DLG2: variants seen among roughly 807,000 people sequenced by gnomAD.
DLG2 encodes the protein discs large MAGUK scaffold protein 2, also known as disks large homolog 2.
A neutral mutation model predicts 132.5 loss-of-function variants in DLG2; 45 were observed. The observed-to-expected ratio is 0.34, with a 90% CI of 0.27 to 0.44. The LOEUF (loss-of-function observed/expected upper bound fraction) is 0.44. Among genes scored for constraint, DLG2 ranks in the 20% least tolerant of loss-of-function variants. DLG2 has a pLI of 1.00. For synonymous variants in DLG2, 424 were observed against 419.6 expected, an observed-to-expected ratio of 1.01 and a Z score of -0.13; for missense variants, 1,045 against 1,196.9, an observed-to-expected ratio of 0.87 and a Z score of 1.87.
rs1181242488 is a variant in DLG2 at position 85,524,696 on chromosome 11, G to A, written c.40+73961C>T. 1.2e-4 allele frequency among the ~76,000 whole-genome samples: 18 copies of A among 152,138 alleles called. No homozygotes were observed. In the East Asian group the frequency reaches 2.7e-3, roughly 23 times the overall value. On this transcript the variant is annotated intron_variant, in intron 3 of 27. Transcript: ENST00000376104. ...TTTTGTAGAGATGAGGTTTCACTACGTTGCCCAGGTGGGTCTCAAGCTCCT... is the reference window on the plus strand; with the variant it reads ...TTTTGTAGAGATGAGGTTTCACTACATTGCCCAGGTGGGTCTCAAGCTCCT...
intron 3 of DLG2, among the ~76,000 whole-genome samples, chr11:85,287,277 A>T (rs2078617362): frequency 6.6e-6 from 1 of 152,098 alleles, no homozygotes; most frequent in African/African-American, 2.4e-5. Context: ...GCACACAGAC[A>T]AAGGAACAGT....
chr11:85,355,897 C>T (rs1432832539), intron 3 of DLG2, among the ~76,000 whole-genome samples: 1 of 152,166 alleles, frequency 6.6e-6, no homozygotes, highest in East Asian at 1.9e-4. Flanking sequence ...ATGAGATTGT[C>T]CTTTTCCAAC....
chr11:85,112,359 C>G (rs898447173), intron 5 of DLG2, among the ~76,000 whole-genome samples: 1 of 152,044 alleles, frequency 6.6e-6, no homozygotes, highest in Non-Finnish European at 1.5e-5. Flanking sequence ...TTAACCTATA[C>G]TTTTGTTGTA....
chr11:85,267,250 A>G (rs750536093), intron 4 of DLG2, among the ~76,000 whole-genome samples: 1 of 152,222 alleles, frequency 6.6e-6, no homozygotes, highest in African/African-American at 2.4e-5. Context: ...ACGGCTATCT[A>G]TAAACCAGAA....
intron 7 of DLG2, among the ~76,000 whole-genome samples, chr11:84,367,436 C>T (rs1455039249): frequency 6.6e-6 from 1 of 152,060 alleles, no homozygotes; most frequent in Non-Finnish European, 1.5e-5. Flanking sequence ...CTGTAGTTGT[C>T]AAGTCCCATT....
intron 6 of DLG2, among the ~76,000 whole-genome samples, chr11:85,034,146 C>T (rs947587372): frequency 1.3e-5 from 2 of 149,590 alleles, no homozygotes; most frequent in East Asian, 2.0e-4. Flanking sequence ...GGCGCAATTT[C>T]GGCTCACTGC....
At chr11:83,646,410 G>A (rs2068200741) in intron 18 of DLG2, among the ~76,000 whole-genome samples, 1 of 151,652 alleles carries the variant, frequency 6.6e-6, no homozygotes, top group Non-Finnish European at 1.5e-5. Flanking sequence ...AAAGAGAAAG[G>A]GAAAGAAGGA....
intron 6 of DLG2, among the ~76,000 whole-genome samples, chr11:84,582,268 G>C (rs1315271408): frequency 6.0e-5 from 9 of 150,406 alleles, no homozygotes; most frequent in Non-Finnish European, 1.0e-4. Flanking sequence ...TGAATTGCAG[G>C]GATCAAAATT....
At chr11:85,429,216 C>G (rs1256382946) in intron 3 of DLG2, among the ~76,000 whole-genome samples, 2 of 152,134 alleles carry the variant, frequency 1.3e-5, no homozygotes, top group African/African-American at 4.8e-5. Flanking sequence ...GGAGCTGGTA[C>G]CATTCCTTCT....
intron 6 of DLG2, among the ~76,000 whole-genome samples, chr11:84,770,812 AT>A (rs529457483): frequency 0.076 from 10,707 of 141,402 alleles, 408 homozygotes; most frequent in Middle Eastern, 0.13. Context: ...CGCCTGGCTA[AT>A]TTTTTTTTTT....
intron 6 of DLG2, among the ~76,000 whole-genome samples, chr11:84,627,043 G>A (rs550566498): frequency 7.0e-4 from 107 of 151,828 alleles, no homozygotes; most frequent in Middle Eastern, 3.4e-3. Flanking sequence ...GCTAATTTTC[G>A]TATTTTTGGT....
In DLG2 at chr11:85,191,199, C is replaced by CACACACAG. The variant is rs879835737; in HGVS notation, c.187-36549_187-36548insCTGTGTGT. On this transcript the variant is annotated intron_variant, in intron 4 of 27. Transcript: ENST00000376104. ...ACACACACACACACACACACACACACACACACGTTTGGATATATTCCCAAT... is the reference window on the plus strand; with the variant it reads ...ACACACACACACACACACACACACACACACACAGACACACGTTTGGATATATTCCCAAT... 1.2e-3 allele frequency among the ~76,000 whole-genome samples: 179 copies of CACACACAG among 151,162 alleles called. 1 individual carries two copies. Among genetic ancestry groups the CACACACAG allele is most frequent in the Non-Finnish European group, 2.1e-3 (140 of 67,838 alleles).
intron 3 of DLG2, among the ~76,000 whole-genome samples, chr11:85,485,302 T>G (rs1597807495): frequency 6.6e-6 from 1 of 152,104 alleles, no homozygotes; most frequent in East Asian, 1.9e-4. Context: ...TGTATACATA[T>G]GTAACTAACC....
chr11:85,500,486 A>G (rs2093773465), intron 3 of DLG2, among the ~76,000 whole-genome samples: 1 of 143,262 alleles, frequency 7.0e-6, no homozygotes. Flanking sequence ...GCACATGTAT[A>G]CATATGTAAC....
chr11:83,553,483 C>CGTGTGT (rs71959561), intron 19 of DLG2, among the ~76,000 whole-genome samples: 4,162 of 143,764 alleles, frequency 0.029, 207 homozygotes, highest in African/African-American at 0.09. Context: ...AAGTAAGCAC[C>CGTGTGT]GTGTGTGTGT....
chr11:84,665,091 C>T (rs1055731103), intron 6 of DLG2, among the ~76,000 whole-genome samples: 1 of 152,018 alleles, frequency 6.6e-6, no homozygotes, highest in Non-Finnish European at 1.5e-5. Context: ...GCAGAGCTGG[C>T]CCTTACCTAG....
intron 21 of DLG2, among the ~76,000 whole-genome samples, chr11:83,527,616 C>T (rs767708458): frequency 1.2e-4 from 18 of 152,020 alleles, no homozygotes; most frequent in Non-Finnish European, 1.8e-4. Flanking sequence ...CATATTACTT[C>T]AAATAACAAC....
intron 3 of DLG2, among the ~76,000 whole-genome samples, chr11:85,312,513 T>C (rs1260472619): frequency 6.6e-6 from 1 of 151,840 alleles, no homozygotes; most frequent in African/African-American, 2.4e-5. Flanking sequence ...TTGATAATGA[T>C]CATTGTTTTT....
At chr11:84,530,586 C>T (rs981863638) in intron 7 of DLG2, among the ~76,000 whole-genome samples, 1 of 152,152 alleles carries the variant, frequency 6.6e-6, no homozygotes, top group African/African-American at 2.4e-5. Flanking sequence ...TACCGTCTTA[C>T]ACCAGTTAGA....
Sources: allele counts gnomAD v4.1 joint callset (sites outside exome capture counted in the v4.1 genomes callset), GRCh38; gene constraint gnomAD v4.1.1; transcripts MANE v1.5; gene names NCBI Gene and HGNC (gene_info 2026-07-23, HGNC 2026-07-21).